Variants in ABCA12 observed in about 807,000 individuals in gnomAD.
ABCA12 encodes glucosylceramide transporter ABCA12.
A neutral mutation model predicts 293.5 loss-of-function variants in ABCA12; 156 were observed. That is an observed-to-expected ratio of 0.53 (90% CI 0.47 to 0.61). ABCA12 has a LOEUF of 0.61. Among genes scored for constraint, ABCA12 ranks in the 20% least tolerant of loss-of-function variants. ABCA12 has a pLI of 0.00. For missense variants in ABCA12, 2,797 were observed against 3,090.2 expected, an observed-to-expected ratio of 0.91 and a Z score of 2.25; for synonymous variants, 1,063 against 1,108.0, an observed-to-expected ratio of 0.96 and a Z score of 0.81.
chr2:215,086,088 G>A (rs1301023910), intron 2 of ABCA12, among the ~76,000 whole-genome samples: 1 of 152,178 alleles, frequency 6.6e-6, no homozygotes, highest in African/African-American at 2.4e-5. Context: ...ATCCATTGCT[G>A]TCAACTACAT....
At chr2:215,022,298 G>A (rs1343260914) in intron 11 of ABCA12, 1 of 152,146 alleles carries the variant, frequency 6.6e-6, no homozygotes, top group Non-Finnish European at 1.5e-5. Context: ...AAAAGTTATA[G>A]AAGAGGACAT....
Position 215,130,423 on chromosome 2 carries a change from G to C in ABCA12, c.69+7717C>G, listed in dbSNP as rs74544953. On this transcript the variant is annotated intron_variant, in intron 1 of 52. Coordinates refer to ENST00000272895, the MANE Select transcript of ABCA12 (RefSeq NM_173076.3). The stretch of plus-strand genomic sequence containing the variant: ...GAAATTAAAGCATCACTGTTTTGTA[G>C]TTCTCCTTGTAGAGATCTTTCACCT... Among the ~76,000 whole-genome samples, 5 of 152,134 alleles carry C rather than the reference G, an allele frequency of 3.3e-5. No individual in the cohort carries two copies. The East Asian group carries it at 7.7e-4, about 24-fold the overall frequency.
chr2:214,948,217 T>C (rs1365945179), intron 47 of ABCA12, among the ~76,000 whole-genome samples: 1 of 152,204 alleles, frequency 6.6e-6, no homozygotes, highest in Admixed American at 6.5e-5. Flanking sequence ...GAATCTATTT[T>C]ACTTGGGCAT....
Position 215,049,698 on chromosome 2 carries a change from A to G in ABCA12, c.621T>C (p.Phe207=), listed in dbSNP as rs1701279133. Residue 207 remains phenylalanine, a synonymous_variant, in exon 6 of 53, where the codon TTT becomes TTC. Coordinates refer to ENST00000272895, the MANE Select transcript of ABCA12 (RefSeq NM_173076.3). Reference sequence around the variant, plus strand: ...TCATGTTAGAAAGGCAAAATTTGTTAAAAACATTTCTTCCTAGAAAGGTCC... The same window carrying G: ...TCATGTTAGAAAGGCAAAATTTGTTGAAAACATTTCTTCCTAGAAAGGTCC... The part of the protein sequence containing the change: ...FSWTFLGRNV[F]NKFCLSNMTL... The G allele has an allele frequency of 6.2e-7, 1 of 1,613,676 alleles. No individual in the cohort carries two copies. The highest frequency in any genetic ancestry group is 8.5e-7 in the Non-Finnish European group (1 of 1,179,760).
intron 17 of ABCA12, among the ~76,000 whole-genome samples, chr2:215,010,952 G>C (rs1700358385): frequency 6.6e-6 from 1 of 152,168 alleles, no homozygotes; most frequent in Non-Finnish European, 1.5e-5. Flanking sequence ...CAAGTTTATA[G>C]ATCAAGTAAA....
chr2:215,020,520 G>C (rs1700605843), intron 11 of ABCA12, among the ~76,000 whole-genome samples: 1 of 152,192 alleles, frequency 6.6e-6, no homozygotes, highest in African/African-American at 2.4e-5. Flanking sequence ...TGGGTTGTTA[G>C]GGGCTGGGGA....
At chr2:214,986,475 AT>A (rs1559131321) in intron 28 of ABCA12, 66 bp downstream of exon 28, 49 of 1,460,892 alleles carry the variant, frequency 3.4e-5, no homozygotes, top group Non-Finnish European at 3.5e-5. Context: ...AGGTTAGTTT[AT>A]TTTTTTTACA....
At chr2:215,016,665 A>G (rs1700513720) in intron 14 of ABCA12, among the ~76,000 whole-genome samples, 1 of 148,110 alleles carries the variant, frequency 6.8e-6, no homozygotes, top group Non-Finnish European at 1.5e-5. Context: ...ATTGCATTTA[A>G]TTTTTGTAAT....
intron 30 of ABCA12, among the ~76,000 whole-genome samples, chr2:214,981,942 TTTATTATTATTATTATTATTATTA>T (rs200886578): frequency 3.1e-5 from 4 of 128,642 alleles, no homozygotes; most frequent in African/African-American, 1.2e-4. Context: ...GTCAGCTGTT[TTTATTATTATTATTATTATTATTA>T]TTATTATTAT....
At position 215,128,054 on chromosome 2, in the gene ABCA12, C is replaced by T. The variant is rs532399060; in HGVS notation, c.69+10086G>A. Among the ~76,000 whole-genome samples, 256 of 152,186 alleles carry T rather than the reference C, an allele frequency of 1.7e-3. 1 individual carries two copies. Among genetic ancestry groups the T allele is most frequent in the Non-Finnish European group, 2.9e-3 (194 of 67,990 alleles). On this transcript the variant is annotated intron_variant, in intron 1 of 52. Transcript: ENST00000272895. ...GACTATATCTTTTCTCCATATATGACGCTTTGTTTTGCTGGATACAAAATT... is the reference window on the plus strand; with the variant it reads ...GACTATATCTTTTCTCCATATATGATGCTTTGTTTTGCTGGATACAAAATT...
chr2:214,987,582 A>G, intron 27 of ABCA12, 65 bp downstream of exon 27: 1 of 1,562,950 alleles, frequency 6.4e-7, no homozygotes, highest in Non-Finnish European at 8.7e-7. Context: ...AATTGAAACT[A>G]CTAGTCATGT....
intron 2 of ABCA12, among the ~76,000 whole-genome samples, chr2:215,073,400 A>G (rs972628264): frequency 1.3e-5 from 2 of 151,844 alleles, no homozygotes; most frequent in Non-Finnish European, 2.9e-5. Context: ...TTAGCCTCCT[A>G]ATTCTCCTTA....
In ABCA12 at chr2:214,975,840, C is replaced by T. The variant is rs1226118396; in HGVS notation, c.5326G>A (p.Glu1776Lys). The T allele has an allele frequency of 6.2e-7, 1 of 1,614,106 alleles. No individual in the cohort carries two copies. Among genetic ancestry groups the T allele is most frequent in the Non-Finnish European group, 8.5e-7 (1 of 1,179,976 alleles). Residue 1776 changes from glutamate (E) to lysine (K), a missense_variant, in exon 34 of 53, where the codon GAG becomes AAG. Glu to Lys is a moderately conservative substitution (Grantham distance 56). This residue lies in a region of ABCA12 where 2,130 missense variants were observed against 2,427.0 expected (regional missense o/e 0.88). Transcript: ENST00000272895. ...TLRNSSNSYPEIQISPSLYGT... is the reference protein window; with the variant it reads ...TLRNSSNSYPKIQISPSLYGT... The stretch of plus-strand genomic sequence containing the variant: ...TAAAGAGAGGGGGAGATCTGAATCT[C>T]TGGATAACTGTTGCTGGAATTTCTC...
In ABCA12 at chr2:215,012,140, C is replaced by G; in HGVS notation, c.1957-5G>C. 6.2e-7 allele frequency: 1 copy of G among 1,613,290 alleles called. No homozygotes were observed. The highest frequency in any genetic ancestry group is 1.1e-5 in the South Asian group (1 of 91,062). ...ATCTTTCCTCGGGAAAAACACCTAA[C>G]AGAAACAGAATAAAAATAAATGCTT... is the stretch of plus-strand genomic sequence containing the variant. On this transcript the variant is annotated splice_region_variant and splice_polypyrimidine_tract_variant and intron_variant, in intron 15 of 52. Coordinates refer to ENST00000272895, the MANE Select transcript of ABCA12 (RefSeq NM_173076.3).
chr2:215,070,924 T>C (rs1197283310), intron 2 of ABCA12, among the ~76,000 whole-genome samples: 3 of 152,100 alleles, frequency 2.0e-5, no homozygotes, highest in Non-Finnish European at 2.9e-5. Flanking sequence ...CTCACACCTA[T>C]ACTCTCGCAC....
chr2:214,988,953 C>A (rs1028454877), intron 26 of ABCA12, among the ~76,000 whole-genome samples: 1 of 150,956 alleles, frequency 6.6e-6, no homozygotes, highest in Non-Finnish European at 1.5e-5. Flanking sequence ...CCAAGGCGGG[C>A]AGATGACTTG....
chr2:215,138,318 C>A lies in ABCA12; in HGVS notation c.-110G>T, dbSNP rs754004029. Reference sequence around the variant, plus strand: ...TGTCAGTGTATCAGTACCCCTTTCACGGCATAGCTTCCTTGAGGGCTGGGG... The same window carrying A: ...TGTCAGTGTATCAGTACCCCTTTCAAGGCATAGCTTCCTTGAGGGCTGGGG... On this transcript the variant is annotated 5_prime_UTR_variant, in exon 1 of 53. Coordinates refer to ENST00000272895, the MANE Select transcript of ABCA12 (RefSeq NM_173076.3). 2 of 1,130,474 alleles carry A rather than the reference C, an allele frequency of 1.8e-6. No homozygotes were observed. Among genetic ancestry groups the A allele is most frequent in the South Asian group, 1.2e-5 (1 of 81,422 alleles). 70.0% of individuals were successfully genotyped at this position (1,130,474 alleles called of 1,614,324 possible). A position where few individuals can be genotyped will look rare whatever the true frequency, so the allele number is the denominator to read the frequency against.
At position 214,975,842 on chromosome 2, in the gene ABCA12, G is replaced by A. The variant is rs749871908; in HGVS notation, c.5324C>T (p.Pro1775Leu). 3.1e-6 allele frequency: 5 copies of A among 1,614,058 alleles called. No individual in the cohort carries two copies. Among genetic ancestry groups the A allele is most frequent in the South Asian group, 1.1e-5 (1 of 91,078 alleles). The change falls in exon 34 of 53, where the codon CCA becomes CTA. Residue 1775 changes from proline (P) to leucine (L), a missense_variant. By Grantham distance (98) the Pro-to-Leu change is moderately conservative. This residue lies in a region of ABCA12 where 2,130 missense variants were observed against 2,427.0 expected (regional missense o/e 0.88). Transcript: ENST00000272895. ...AAGAGAGGGGGAGATCTGAATCTCTGGATAACTGTTGCTGGAATTTCTCAG... is the reference window on the plus strand; with the variant it reads ...AAGAGAGGGGGAGATCTGAATCTCTAGATAACTGTTGCTGGAATTTCTCAG... ...GTLRNSSNSY[P>L]EIQISPSLYG...
intron 2 of ABCA12, among the ~76,000 whole-genome samples, chr2:215,082,043 C>CT (rs549072917): frequency 0.48 from 54,687 of 112,948 alleles, 14,894 homozygotes; most frequent in East Asian, 0.73. Flanking sequence ...ATTGTTAATT[C>CT]TTTTTTTTTT....
Sources: gnomAD v4.1 joint callset for allele counts (sites outside exome capture counted in the v4.1 genomes callset) on GRCh38, gnomAD v4.1.1 for gene constraint, gnomAD v4.1.1 regional missense constraint, MANE v1.5 for transcripts, NCBI Gene and HGNC (gene_info 2026-07-23, HGNC 2026-07-21) for gene names.